The following MAGI1 variants were observed in gnomAD, a reference collection of about 807,000 sequenced individuals.
MAGI1 encodes the protein membrane-associated guanylate kinase, WW and PDZ domain-containing protein 1.
In MAGI1, 58 loss-of-function variants were observed where a neutral mutation model predicts 139.9. That is an observed-to-expected ratio of 0.41 (90% CI 0.34 to 0.52). The LOEUF is 0.52. MAGI1 is among the 20% of genes least tolerant of loss of function. The pLI is 0.12. For missense variants in MAGI1, 1,874 were observed against 1,901.6 expected (o/e 0.99, Z 0.27); for synonymous variants, 812 against 737.9 (o/e 1.10, Z -1.63).
At chr3:65,591,299 G>C (rs1437265338) in intron 2 of MAGI1, among the ~76,000 whole-genome samples, 1 of 152,024 alleles carries the variant, frequency 6.6e-6, no homozygotes, top group Non-Finnish European at 1.5e-5. Context: ...AGTTGTTCAT[G>C]TTAAAAAGCA....
At chr3:66,037,463 T>A (rs556853377) in intron 1 of MAGI1, among the ~76,000 whole-genome samples, 1 of 152,228 alleles carries the variant, frequency 6.6e-6, no homozygotes, top group East Asian at 1.9e-4. Context: ...CAGGCTCTTC[T>A]GGCGGCGGGC....
chr3:65,728,884 C>T (rs1250837355), intron 1 of MAGI1, among the ~76,000 whole-genome samples: 1 of 151,998 alleles, frequency 6.6e-6, no homozygotes, highest in Non-Finnish European at 1.5e-5. Context: ...AATAGTAAGG[C>T]TTTACTGTGA....
chr3:66,001,568 CCT>C (rs1269921002), intron 1 of MAGI1, among the ~76,000 whole-genome samples: 1 of 151,354 alleles, frequency 6.6e-6, no homozygotes, highest in Non-Finnish European at 1.5e-5. Context: ...GATAATTATC[CCT>C]GTTTTATACA....
intron 12 of MAGI1, among the ~76,000 whole-genome samples, chr3:65,415,722 G>T (rs944296719): frequency 1.3e-5 from 2 of 152,190 alleles, no homozygotes; most frequent in African/African-American, 4.8e-5. Context: ...AACCAAATGG[G>T]TGTTGAAGGG....
chr3:65,597,306 A>C (rs576490527), intron 2 of MAGI1, among the ~76,000 whole-genome samples: 15 of 146,952 alleles, frequency 1.0e-4, no homozygotes, highest in African/African-American at 3.5e-4. Flanking sequence ...TCGCTCCAAA[A>C]GCCCGGGCTG....
intron 1 of MAGI1, among the ~76,000 whole-genome samples, chr3:65,965,367 C>G (rs1327152890): frequency 6.6e-6 from 1 of 152,152 alleles, no homozygotes; most frequent in Non-Finnish European, 1.5e-5. Context: ...TAAATGGAAA[C>G]TTCATATCAC....
intron 1 of MAGI1, among the ~76,000 whole-genome samples, chr3:66,019,549 CCTCT>C (rs1392322654): frequency 2.6e-5 from 4 of 152,208 alleles, no homozygotes; most frequent in Non-Finnish European, 4.4e-5. Context: ...AATTACTTCA[CCTCT>C]CTAAGACTTG....
At chr3:65,632,196 C>T (rs546227638) in intron 1 of MAGI1, among the ~76,000 whole-genome samples, 45 of 152,144 alleles carry the variant, frequency 3.0e-4, no homozygotes, top group Middle Eastern at 3.4e-3. Flanking sequence ...AATGCATTAC[C>T]TAAAGGTTAT....
At chr3:65,547,403 T>C (rs991478035) in intron 2 of MAGI1, among the ~76,000 whole-genome samples, 3 of 152,230 alleles carry the variant, frequency 2.0e-5, no homozygotes, top group Non-Finnish European at 4.4e-5. Context: ...GCATTTTATA[T>C]CTATTACCAG....
intron 1 of MAGI1, among the ~76,000 whole-genome samples, chr3:65,836,851 T>C (rs996008061): frequency 1.3e-5 from 2 of 152,150 alleles, no homozygotes; most frequent in African/African-American, 4.8e-5. Flanking sequence ...CGAGCTGTGC[T>C]TTTTGTGGAG....
chr3:65,529,384 A>G (rs534054692), intron 2 of MAGI1, among the ~76,000 whole-genome samples: 4 of 152,250 alleles, frequency 2.6e-5, no homozygotes, highest in South Asian at 4.2e-4. Context: ...CTCTCCCCCA[A>G]GTTCCTGGCA....
intron 1 of MAGI1, among the ~76,000 whole-genome samples, chr3:65,967,039 G>C (rs1203352797): frequency 6.6e-6 from 1 of 151,884 alleles, no homozygotes; most frequent in Non-Finnish European, 1.5e-5. Context: ...GGCACAAAGA[G>C]GCTCAGCAAC....
intron 1 of MAGI1, among the ~76,000 whole-genome samples, chr3:65,829,589 T>C (rs956811820): frequency 3.3e-5 from 5 of 152,224 alleles, no homozygotes; most frequent in Admixed American, 2.6e-4. Flanking sequence ...AAATTTCTCA[T>C]GCTTGTAAAT....
intron 2 of MAGI1, among the ~76,000 whole-genome samples, chr3:65,605,867 A>C (rs1387301875): frequency 6.6e-6 from 1 of 152,216 alleles, no homozygotes; most frequent in African/African-American, 2.4e-5. Flanking sequence ...CTCTGAAATG[A>C]AAGTCCACTT....
rs572867074 is a variant in MAGI1, at chr3:65,660,401, T to C, written c.314-38313A>G. On this transcript the variant is annotated intron_variant, in intron 1 of 22. Coordinates refer to ENST00000402939, the MANE Select transcript of MAGI1 (RefSeq NM_001033057.2). ...CACTACAAGGGTGAAGTACAAGATG[T>C]TCTGTGAAACTTGACCTTGTCTAGG... Among the ~76,000 whole-genome samples, 3 of 152,360 alleles carry C rather than the reference T, an allele frequency of 2.0e-5. No individual in the cohort carries two copies. The East Asian group carries it at 5.8e-4, about 29-fold the overall frequency.
intron 1 of MAGI1, among the ~76,000 whole-genome samples, chr3:65,849,001 C>CTTTTTTTTTTTTT (rs558270441): frequency 3.0e-4 from 12 of 39,644 alleles, no homozygotes; most frequent in Non-Finnish European, 5.1e-4. Context: ...TCAGAGCATT[C>CTTTTTTTTTTTTT]TTTTTTTTTT....
At chr3:65,638,487 A>G (rs765983158) in intron 1 of MAGI1, among the ~76,000 whole-genome samples, 1 of 150,322 alleles carries the variant, frequency 6.7e-6, no homozygotes, top group Non-Finnish European at 1.5e-5. Flanking sequence ...TTCTGTTTGT[A>G]CTACACTGTA....
chr3:65,452,259 C>T (rs947448047), intron 6 of MAGI1, among the ~76,000 whole-genome samples: 2 of 152,092 alleles, frequency 1.3e-5, no homozygotes, highest in Admixed American at 1.3e-4. Context: ...ATCTGCAAAC[C>T]ATGTATAATA....
chr3:65,877,726 T>C (rs1308207236), intron 1 of MAGI1, among the ~76,000 whole-genome samples: 1 of 152,160 alleles, frequency 6.6e-6, no homozygotes, highest in Non-Finnish European at 1.5e-5. Flanking sequence ...TGGCTAATTT[T>C]TGTATTTTTG....
Sources: gnomAD v4.1 joint callset for allele counts (sites outside exome capture counted in the v4.1 genomes callset) on GRCh38, gnomAD v4.1.1 for gene constraint, MANE v1.5 for transcripts, NCBI Gene and HGNC (gene_info 2026-07-23, HGNC 2026-07-21) for gene names.